The following IBTK variants were observed in gnomAD, a reference collection of about 807,000 sequenced individuals.
IBTK encodes BTK-binding protein.
A neutral mutation model predicts 154.9 loss-of-function variants in IBTK; 83 were observed. The ratio of observed to expected loss-of-function variants is 0.54; its 90% confidence interval spans 0.45 to 0.64. IBTK has a LOEUF of 0.64. Among genes scored for constraint, IBTK ranks in the 30% least tolerant of loss-of-function variants. The pLI is 0.00. For missense variants in IBTK, 1,332 were observed against 1,584.6 expected (o/e 0.84, Z 2.71); for synonymous variants, 515 against 536.1 (o/e 0.96, Z 0.54).
At chr6:82,232,649 G>T (rs1216602240) in intron 3 of IBTK, among the ~76,000 whole-genome samples, 1 of 152,154 alleles carries the variant, frequency 6.6e-6, no homozygotes, top group African/African-American at 2.4e-5. Flanking sequence ...TTTCTTTTCT[G>T]CCAATTCCCA....
At chr6:82,204,206 A>G (rs913239337) in intron 17 of IBTK, among the ~76,000 whole-genome samples, 16 of 152,212 alleles carry the variant, frequency 1.1e-4, no homozygotes, top group African/African-American at 3.9e-4. Flanking sequence ...GAAGGAACAG[A>G]TAACAGTGAC....
chr6:82,189,456 C>T (rs969891076), intron 25 of IBTK, among the ~76,000 whole-genome samples: 5 of 152,072 alleles, frequency 3.3e-5, no homozygotes, highest in African/African-American at 9.7e-5. Flanking sequence ...CATGAATATA[C>T]GAGCTCCAAA....
Position 82,176,010 on chromosome 6 carries a change from C to A in IBTK, c.3726-2572G>T, listed in dbSNP as rs570961118. Among the ~76,000 whole-genome samples the A allele has an allele frequency of 5.4e-5, 8 of 148,040 alleles. No homozygotes were observed. The South Asian group carries it at 1.7e-3, about 32-fold the overall frequency. Reference sequence around the variant, plus strand: ...AGCCATTGCACTCCAGCCTGGGCAACAAGAACGAAACTCCATCTCAAAAAA... The same window carrying A: ...AGCCATTGCACTCCAGCCTGGGCAAAAAGAACGAAACTCCATCTCAAAAAA... On this transcript the variant is annotated intron_variant, in intron 26 of 28. Transcript: ENST00000306270.
rs371153203 is a variant in IBTK, at chr6:82,183,744, A to G, written c.3576-1716T>C. Among the ~76,000 whole-genome samples, 21 of 152,330 alleles carry G rather than the reference A, an allele frequency of 1.4e-4. No individual in the cohort carries two copies. In the East Asian group the frequency reaches 4.1e-3, roughly 29 times the overall value. ...TCAGGATAGTATAAGCTAGGTCTGA[A>G]TGTATTTCCTCCAAAACTCATGTTG... is the stretch of plus-strand genomic sequence containing the variant. On this transcript the variant is annotated intron_variant, in intron 25 of 28. Transcript: ENST00000306270.
intron 2 of IBTK, among the ~76,000 whole-genome samples, chr6:82,239,955 C>T (rs568678902): frequency 2.0e-5 from 3 of 152,058 alleles, no homozygotes; most frequent in African/African-American, 7.2e-5. Context: ...ATATAGTAAG[C>T]ATGATAAATG....
chr6:82,229,517 T>A (rs994207856), intron 4 of IBTK, among the ~76,000 whole-genome samples: 5 of 151,976 alleles, frequency 3.3e-5, no homozygotes, highest in Non-Finnish European at 7.4e-5. Flanking sequence ...TTCCAATCAA[T>A]CATTAGTGGC....
chr6:82,225,546 T>G lies in IBTK; in HGVS notation c.756A>C (p.Thr252=). The G allele has an allele frequency of 6.2e-7, 1 of 1,612,406 alleles. No individual in the cohort carries two copies. Among genetic ancestry groups the G allele is most frequent in the African/African-American group, 1.3e-5 (1 of 75,008 alleles). The change falls in exon 6 of 29, where the codon ACA becomes ACC. Residue 252 remains threonine (T), a synonymous_variant. Transcript: ENST00000306270. Reference sequence around the variant, plus strand: ...ATTGATGAAAAATGTTTAGACCAAATGTATAAACACATCCATCTTCAGTTA... The same window carrying G: ...ATTGATGAAAAATGTTTAGACCAAAGGTATAAACACATCCATCTTCAGTTA... The part of the protein sequence containing the change: ...VVLTEDGCVY[T]FGLNIFHQLG...
At chr6:82,211,344 G>A in intron 15 of IBTK, 23 bp downstream of exon 15, 8 of 1,574,380 alleles carry the variant, frequency 5.1e-6, no homozygotes, top group Non-Finnish European at 6.9e-6. Flanking sequence ...TACCAACCTA[G>A]GCGCTTTTTA....
rs1188149073 is a variant in IBTK, at chr6:82,173,454, CAA to C, written c.3726-18_3726-17del. 1 of 1,604,108 alleles carries C rather than the reference CAA, an allele frequency of 6.2e-7. No individual in the cohort carries two copies. Among genetic ancestry groups the C allele is most frequent in the South Asian group, 1.1e-5 (1 of 90,626 alleles). ...GGTAGAGCATCTGCAAAACAAATGC[CAA>C]AATTAAAGATTAAAGCTTCTAGTAA... is the stretch of plus-strand genomic sequence containing the variant. On this transcript the variant is annotated splice_polypyrimidine_tract_variant and intron_variant, in intron 26 of 28. Transcript: ENST00000306270.
rs1411608443 is a variant in IBTK, at chr6:82,240,822, T to C, written c.-336A>G. 7.2e-6 allele frequency: 3 copies of C among 414,846 alleles called. No individual in the cohort carries two copies. Among genetic ancestry groups the C allele is most frequent in the Non-Finnish European group, 1.3e-5 (3 of 236,144 alleles). The allele number at this position is 414,846 out of a possible 1,614,324, so 25.7% of individuals were successfully genotyped here. ...CTCCACACTGTCTGACCCTTTTAAA[T>C]ATCCATAATTGCAAGGGTGACCTAT... On this transcript the variant is annotated 5_prime_UTR_variant, in exon 2 of 29. The change creates a new upstream start codon in the 5' untranslated region. Transcript: ENST00000306270.
chr6:82,226,604 GT>G (rs201331625), intron 5 of IBTK, among the ~76,000 whole-genome samples: 24 of 144,966 alleles, frequency 1.7e-4, no homozygotes, highest in African/African-American at 2.3e-4. Context: ...CTTCTTTTTT[GT>G]TTTTTTTTTT....
chr6:82,211,651 T>A, intron 13 of IBTK, 79 bp from the exon 14 acceptor site: 3 of 1,106,986 alleles, frequency 2.7e-6, no homozygotes, highest in Non-Finnish European at 4.1e-6. Context: ...TTGGCTTAAC[T>A]TTCAGTTTTC....
chr6:82,193,562 T>C (rs996070600), intron 23 of IBTK, among the ~76,000 whole-genome samples: 2 of 152,184 alleles, frequency 1.3e-5, no homozygotes, highest in Admixed American at 6.5e-5. Flanking sequence ...CAGATGATAA[T>C]ATGTCAATTA....
At chr6:82,223,308 C>G in intron 8 of IBTK, 132 bp downstream of exon 8, 1 of 614,006 alleles carries the variant, frequency 1.6e-6, no homozygotes, top group Non-Finnish European at 2.5e-6. Flanking sequence ...GACAAAAATT[C>G]CTGATGTTTT....
chr6:82,187,564 T>G (rs934551331), intron 25 of IBTK, among the ~76,000 whole-genome samples: 1 of 152,274 alleles, frequency 6.6e-6, no homozygotes, highest in Non-Finnish European at 1.5e-5. Context: ...CAACACATTT[T>G]TGAAGGATAG....
At chr6:82,238,759 G>C (rs1301557399) in intron 2 of IBTK, among the ~76,000 whole-genome samples, 1 of 151,620 alleles carries the variant, frequency 6.6e-6, no homozygotes. Context: ...CTTTTTTTGA[G>C]ACAGAGTCTC....
chr6:82,194,362 G>T, intron 23 of IBTK, 117 bp downstream of exon 23: 1 of 824,156 alleles, frequency 1.2e-6, no homozygotes, highest in Non-Finnish European at 1.7e-6. Flanking sequence ...GCAATTTTCT[G>T]TGCATTAGAA....
At chr6:82,179,867 T>C (rs1383367848) in intron 26 of IBTK, among the ~76,000 whole-genome samples, 1 of 152,200 alleles carries the variant, frequency 6.6e-6, no homozygotes, top group Non-Finnish European at 1.5e-5. Context: ...TGTTGAATCT[T>C]ACACAAGAAA....
intron 26 of IBTK, among the ~76,000 whole-genome samples, chr6:82,174,100 G>A (rs1768026224): frequency 6.6e-6 from 1 of 152,154 alleles, no homozygotes. Context: ...AAGGTCCCTA[G>A]AGATTATCTA....
Sources: gnomAD v4.1 joint callset for allele counts (sites outside exome capture counted in the v4.1 genomes callset) on GRCh38, gnomAD v4.1.1 for gene constraint, MANE v1.5 for transcripts, NCBI Gene and HGNC (gene_info 2026-07-23, HGNC 2026-07-21) for gene names.